CDCA2: variants seen among roughly 807,000 people sequenced by gnomAD.
CDCA2 encodes the protein cell division cycle-associated protein 2.
Under a neutral mutation model 67.0 loss-of-function variants are expected in CDCA2, and 44 were observed. The observed-to-expected ratio is 0.66, with a 90% CI of 0.52 to 0.84. CDCA2 has a LOEUF of 0.84. Ranked by LOEUF, CDCA2 falls within the 40% of genes least tolerant of loss-of-function variation. CDCA2 has a pLI of 0.00. For missense variants in CDCA2, 1,253 were observed against 1,203.2 expected (o/e 1.04, Z -0.61); for synonymous variants, 447 against 418.7 (o/e 1.07, Z -0.82).
At position 25,507,571 on chromosome 8, in the gene CDCA2, G is replaced by C. The variant is rs114180099; in HGVS notation, c.2905G>C (p.Asp969His). ...NSQGPAAGSSDEPGKRRKSFC... is the reference protein window; with the variant it reads ...NSQGPAAGSSHEPGKRRKSFC... ...CCAGGGCCCTGCTGCTGGTTCTTCCGATGAACCTGGTAAGAGGAGGAAGAG... is the reference window on the plus strand; with the variant it reads ...CCAGGGCCCTGCTGCTGGTTCTTCCCATGAACCTGGTAAGAGGAGGAAGAG... The change falls in exon 15 of 15, where the codon GAT becomes CAT. Residue 969 changes from aspartate to histidine, a missense_variant. Asp to His is a moderately conservative substitution (Grantham distance 81, BLOSUM62 -1). Transcript: ENST00000330560. 1.2e-6 allele frequency: 2 copies of C among 1,614,160 alleles called. No individual in the cohort carries two copies. Among genetic ancestry groups the C allele is most frequent in the East Asian group, 2.2e-5 (1 of 44,888 alleles).
chr8:25,494,408 T>C (rs1804126715), intron 13 of CDCA2, among the ~76,000 whole-genome samples: 1 of 152,268 alleles, frequency 6.6e-6, no homozygotes, highest in South Asian at 2.1e-4. Flanking sequence ...GCATTTATAT[T>C]GTACTTGGTG....
intron 7 of CDCA2, among the ~76,000 whole-genome samples, chr8:25,478,425 CCT>C (rs1475851445): frequency 6.6e-6 from 1 of 152,088 alleles, no homozygotes; most frequent in Non-Finnish European, 1.5e-5. Flanking sequence ...TCCCCAATCC[CCT>C]GTTACAGTTT....
In CDCA2 at chr8:25,460,183, G is replaced by A. The variant is rs2117469778; in HGVS notation, c.1-57G>A. The A allele has an allele frequency of 3.9e-6, 6 of 1,533,692 alleles. No individual in the cohort carries two copies. The South Asian group carries it at 4.5e-5, about 11-fold the overall frequency. On this transcript the variant is annotated intron_variant, in intron 1 of 14. Transcript: ENST00000330560. Reference sequence around the variant, plus strand: ...TCAGTCCTGAATAAGGTACGTGATCGAATCACGTTCATCTTGCTGGTGGGG... The same window carrying A: ...TCAGTCCTGAATAAGGTACGTGATCAAATCACGTTCATCTTGCTGGTGGGG...
Position 25,462,168 on chromosome 8 carries a change from A to G in CDCA2, c.347A>G (p.Asn116Ser), listed in dbSNP as rs762052435. 2.2e-5 allele frequency: 36 copies of G among 1,614,054 alleles called. No homozygotes were observed. The highest frequency in any genetic ancestry group is 3.1e-5 in the Non-Finnish European group (36 of 1,180,010). The part of the protein sequence containing the change: ...RFIARQQNIK[N>S]ARKSPLAQDS... The stretch of plus-strand genomic sequence containing the variant: ...ATTGCTCGGCAGCAAAATATAAAGA[A>G]TGCTAGGAAATCTCCTTTGGCACAA... Residue 116 changes from asparagine (N) to serine (S), a missense_variant, in exon 4 of 15, where the codon AAT (asparagine) becomes AGT (serine). Transcript: ENST00000330560.
At chr8:25,481,988 G>A (rs191601503) in intron 8 of CDCA2, among the ~76,000 whole-genome samples, 12 of 152,306 alleles carry the variant, frequency 7.9e-5, no homozygotes, top group African/African-American at 2.9e-4. Flanking sequence ...AGAAAATGAG[G>A]AATTCTTGAT....
In CDCA2 at chr8:25,459,232, TGGA is replaced by T. The variant is rs1377875414; in HGVS notation, c.-236_-234del. The T allele has an allele frequency of 6.7e-6, 1 of 150,324 alleles. No homozygotes were observed. The highest frequency in any genetic ancestry group is 2.5e-5 in the African/African-American group (1 of 40,810). 9.3% of individuals were successfully genotyped at this position (150,324 alleles called of 1,614,324 possible). A position where few individuals can be genotyped will look rare whatever the true frequency, so the allele number is the denominator to read the frequency against. ...TCGGTCGGCGGGCGGAGGAGGCGGGTGGAGGAGGCTGCCGGGCAGAGCGCAGGC... is the reference window on the plus strand; with the variant it reads ...TCGGTCGGCGGGCGGAGGAGGCGGGTGGAGGCTGCCGGGCAGAGCGCAGGC... On this transcript the variant is annotated 5_prime_UTR_variant, in exon 1 of 15. Coordinates refer to ENST00000330560, the MANE Select transcript of CDCA2 (RefSeq NM_152562.4).
intron 13 of CDCA2, among the ~76,000 whole-genome samples, chr8:25,498,453 A>ACCC (rs60633246): frequency 0.16 from 11,755 of 73,794 alleles, 721 homozygotes; most frequent in Non-Finnish European, 0.2. Context: ...GGTAATCTGC[A>ACCC]CCCCCCCCCC....
intron 5 of CDCA2, 51 bp downstream of exon 5, chr8:25,466,376 G>C (rs747564525): frequency 2.2e-5 from 33 of 1,474,450 alleles, no homozygotes; most frequent in Non-Finnish European, 2.8e-5. Flanking sequence ...ATAAAGACAA[G>C]CTTCTGAGTT....
chr8:25,495,699 C>T (rs11994241), intron 13 of CDCA2, among the ~76,000 whole-genome samples: 85,416 of 151,976 alleles, frequency 0.56, 25,885 homozygotes, highest in Middle Eastern at 0.67. Context: ...GGATTACAGG[C>T]GTGAGCCACT....
At chr8:25,488,834 TG>T (rs925757203) in intron 13 of CDCA2, 145 bp downstream of exon 13, 19 of 567,340 alleles carry the variant, frequency 3.3e-5, no homozygotes, top group African/African-American at 5.9e-5. Flanking sequence ...TAGAATGGGG[TG>T]GGGGGGTTAT....
At position 25,480,122 on chromosome 8, in the gene CDCA2, C is replaced by G. The variant is rs1371571330; in HGVS notation, c.1030C>G (p.Gln344Glu). The change falls in exon 8 of 15, where the codon CAG (glutamine) becomes GAG (glutamate). Residue 344 changes from glutamine (Q) to glutamate (E), a missense_variant and splice_region_variant. Physicochemically the swap from Gln to Glu is conservative, Grantham distance 29. Coordinates refer to ENST00000330560, the MANE Select transcript of CDCA2 (RefSeq NM_152562.4). The stretch of plus-strand genomic sequence containing the variant: ...TGTTAAGATGTGTCTAGAGAGCTTA[C>G]AGGTAAGAAGAGAGTTAAATTTCCT... ...PSVKMCLESLQEHCNNLYDDD... is the reference protein window; with the variant it reads ...PSVKMCLESLEEHCNNLYDDD... 5.0e-6 allele frequency: 8 copies of G among 1,612,756 alleles called. No individual in the cohort carries two copies. Among genetic ancestry groups the G allele is most frequent in the Non-Finnish European group, 5.1e-6 (6 of 1,179,102 alleles).
At position 25,507,499 on chromosome 8, in the gene CDCA2, A is replaced by C. The variant is rs1804731550; in HGVS notation, c.2833A>C (p.Arg945=). 2 of 1,613,778 alleles carry C rather than the reference A, an allele frequency of 1.2e-6. No individual in the cohort carries two copies. Among genetic ancestry groups the C allele is most frequent in the Non-Finnish European group, 1.7e-6 (2 of 1,179,960 alleles). Residue 945 remains arginine (R), a synonymous_variant, in exon 15 of 15, where the codon AGA becomes CGA. Transcript: ENST00000330560. The part of the protein sequence containing the change: ...MSPIKETVSS[R]QKPQMAPPVS... ...TCCCATAAAAGAAACTGTGTCCTCC[A>C]GACAAAAACCGCAGATGGCACCTCC...
At position 25,462,046 on chromosome 8, in the gene CDCA2, C is replaced by T; in HGVS notation, c.233-8C>T. ...TTTGTTCCAATTTATAAGAGAGTTTCATTACAGGAAAGTCATCATCCTACC... is the reference window on the plus strand; with the variant it reads ...TTTGTTCCAATTTATAAGAGAGTTTTATTACAGGAAAGTCATCATCCTACC... On this transcript the variant is annotated splice_polypyrimidine_tract_variant and splice_region_variant and intron_variant, in intron 3 of 14. Coordinates refer to ENST00000330560, the MANE Select transcript of CDCA2 (RefSeq NM_152562.4). The T allele has an allele frequency of 6.2e-7, 1 of 1,611,300 alleles. No homozygotes were observed. The highest frequency in any genetic ancestry group is 1.3e-5 in the African/African-American group (1 of 74,972).
chr8:25,471,075 G>A (rs933476513), intron 7 of CDCA2, among the ~76,000 whole-genome samples: 8 of 152,042 alleles, frequency 5.3e-5, no homozygotes, highest in Admixed American at 5.3e-4. Context: ...ACAGTTATAT[G>A]TGCTTTAAAT....
intron 6 of CDCA2, 143 bp downstream of exon 6, chr8:25,468,556 T>TGTGTGTGTGCGTGC (rs1488757943): frequency 2.0e-5 from 10 of 494,048 alleles, no homozygotes; most frequent in Non-Finnish European, 3.6e-6. Flanking sequence ...TGTGTGTGTG[T>TGTGTGTGTGCGTGC]GCGTGTGTGT....
At chr8:25,479,365 A>G (rs562932688) in intron 7 of CDCA2, among the ~76,000 whole-genome samples, 134 of 152,222 alleles carry the variant, frequency 8.8e-4, no homozygotes, top group Non-Finnish European at 1.5e-3. Context: ...TATTTGTTCA[A>G]TGGATCACTT....
At chr8:25,484,453 GGATAC>G (rs1803688602) in intron 10 of CDCA2, among the ~76,000 whole-genome samples, 1 of 151,956 alleles carries the variant, frequency 6.6e-6, no homozygotes, top group Admixed American at 6.6e-5. Context: ...TAGGTAAACT[GGATAC>G]ATTCCTTAGA....
intron 5 of CDCA2, 92 bp from the exon 6 acceptor site, chr8:25,468,125 A>AG (rs1586469594): frequency 2.1e-6 from 1 of 466,430 alleles, no homozygotes; most frequent in East Asian, 6.5e-5. Flanking sequence ...TCTCAAAAAA[A>AG]AAAAAAAAAA....
intron 6 of CDCA2, among the ~76,000 whole-genome samples, chr8:25,468,922 T>A (rs551952306): frequency 6.6e-6 from 1 of 152,338 alleles, no homozygotes; most frequent in African/African-American, 2.4e-5. Flanking sequence ...ATTCAGCAAT[T>A]TCTCCTTTGC....
Sources: gnomAD v4.1 joint callset for allele counts (sites outside exome capture counted in the v4.1 genomes callset) on GRCh38, gnomAD v4.1.1 for gene constraint, MANE v1.5 for transcripts, NCBI Gene and HGNC (gene_info 2026-07-23, HGNC 2026-07-21) for gene names.